SRPX: variants seen among roughly 807,000 people sequenced by gnomAD.
SRPX encodes sushi repeat containing protein X-linked, also known as sushi repeat-containing protein SRPX.
SRPX carries 24 observed loss-of-function variants against 38.1 expected under a neutral mutation model. That is an observed-to-expected ratio of 0.63 (90% CI 0.46 to 0.89). The LOEUF is 0.89. SRPX is among the 40% of genes least tolerant of loss of function. SRPX has a pLI of 0.00. For synonymous variants in SRPX, 184 were observed against 153.8 expected (o/e 1.20, Z -1.45); for missense variants, 416 against 377.8 (o/e 1.10, Z -0.84).
At chrX:38,162,140 C>T (rs1938275792) in intron 5 of SRPX, among the ~76,000 whole-genome samples, 1 of 112,176 alleles carries the variant, frequency 8.9e-6, no homozygotes, top group Non-Finnish European at 1.9e-5. Flanking sequence ...AGTGATACTT[C>T]AAATATAAGT....
At chrX:38,205,107 G>A (rs757918177) in intron 1 of SRPX, among the ~76,000 whole-genome samples, 11 of 112,330 alleles carry the variant, frequency 9.8e-5, no homozygotes, top group Admixed American at 4.7e-4. Flanking sequence ...CAATTTGCGG[G>A]TGTCTGTCAC....
At chrX:38,176,015 G>T (rs1938561885) in intron 2 of SRPX, among the ~76,000 whole-genome samples, 1 of 111,468 alleles carries the variant, frequency 9.0e-6, no homozygotes, top group Non-Finnish European at 1.9e-5. Flanking sequence ...TATACTGTTT[G>T]TTTCTTACAC....
At chrX:38,189,364 A>G (rs1938852560) in intron 1 of SRPX, among the ~76,000 whole-genome samples, 2 of 111,990 alleles carry the variant, frequency 1.8e-5, no homozygotes, top group Non-Finnish European at 3.8e-5. Flanking sequence ...ATCATTTTAA[A>G]AATCTGCCTG....
At chrX:38,177,225 G>C (rs1314020123) in intron 2 of SRPX, among the ~76,000 whole-genome samples, 1 of 111,651 alleles carries the variant, frequency 9.0e-6, no homozygotes, top group Non-Finnish European at 1.9e-5. Context: ...ACGTATTTGT[G>C]CTTTGCTTGA....
chrX:38,181,672 TCC>T (rs1938675566), intron 1 of SRPX, among the ~76,000 whole-genome samples: 1 of 112,008 alleles, frequency 8.9e-6, no homozygotes, highest in African/African-American at 3.2e-5. Flanking sequence ...CTTCCATTGC[TCC>T]AGCCCTTCCA....
chrX:38,184,158 T>C (rs1938725645), intron 1 of SRPX, among the ~76,000 whole-genome samples: 1 of 111,655 alleles, frequency 9.0e-6, no homozygotes, highest in South Asian at 3.8e-4. Context: ...CCATAAGGTT[T>C]CTCACCGTAA....
intron 1 of SRPX, among the ~76,000 whole-genome samples, chrX:38,188,390 C>A (rs1938829110): frequency 8.9e-6 from 1 of 112,267 alleles, no homozygotes; most frequent in Non-Finnish European, 1.9e-5. Flanking sequence ...CAACCATCAA[C>A]TAAGAATAGT....
At chrX:38,204,922 C>T (rs1325152393) in intron 1 of SRPX, among the ~76,000 whole-genome samples, 1 of 112,000 alleles carries the variant, frequency 8.9e-6, no homozygotes, top group Non-Finnish European at 1.9e-5. Context: ...AATGAAAGGA[C>T]ATCAGGACAC....
At position 38,149,904 on chromosome X, in the gene SRPX, A is replaced by G; in HGVS notation, c.1212-10T>C. On this transcript the variant is annotated splice_polypyrimidine_tract_variant and intron_variant, in intron 9 of 9. Transcript: ENST00000378533. ...GATTCGCAGCAACAGCCTGTGGCAGACAAAGAAAAGAGGAGACTAAGTCAA... is the reference window on the plus strand; with the variant it reads ...GATTCGCAGCAACAGCCTGTGGCAGGCAAAGAAAAGAGGAGACTAAGTCAA... The G allele has an allele frequency of 8.4e-7, 1 of 1,194,530 alleles. No homozygotes were observed.
intron 1 of SRPX, among the ~76,000 whole-genome samples, chrX:38,191,895 A>T (rs1938912970): frequency 8.9e-6 from 1 of 112,459 alleles, no homozygotes; most frequent in South Asian, 3.7e-4. Context: ...TGTACATATC[A>T]GCTAAGTCAT....
At chrX:38,152,121 C>T (rs992412470) in intron 9 of SRPX, among the ~76,000 whole-genome samples, 1 of 111,640 alleles carries the variant, frequency 9.0e-6, no homozygotes, top group Admixed American at 9.5e-5. Flanking sequence ...TCCTCTTTTG[C>T]TTCCCATTCT....
intron 4 of SRPX, among the ~76,000 whole-genome samples, chrX:38,167,624 T>G (rs775454653): frequency 8.0e-5 from 9 of 112,672 alleles, no homozygotes; most frequent in Admixed American, 1.9e-4. Context: ...TCAGTGAAAA[T>G]TCTGGCCTTT....
intron 6 of SRPX, among the ~76,000 whole-genome samples, chrX:38,160,411 G>A (rs1321794347): frequency 8.9e-6 from 1 of 111,980 alleles, no homozygotes; most frequent in Non-Finnish European, 1.9e-5. Context: ...AACTGGTTTC[G>A]CCCCTAGTGT....
At chrX:38,220,169 G>C (rs761931202) in intron 1 of SRPX, among the ~76,000 whole-genome samples, 1 of 113,456 alleles carries the variant, frequency 8.8e-6, no homozygotes, top group South Asian at 3.5e-4. Context: ...TCCCCAGCAG[G>C]GGGGGTTAAG....
At chrX:38,210,630 G>C (rs1435284351) in intron 1 of SRPX, among the ~76,000 whole-genome samples, 2 of 112,385 alleles carry the variant, frequency 1.8e-5, no homozygotes, top group Non-Finnish European at 3.8e-5. Flanking sequence ...CCTCAGATTA[G>C]GACACTGGAT....
intron 4 of SRPX, among the ~76,000 whole-genome samples, chrX:38,168,534 A>G (rs1258587312): frequency 8.9e-6 from 1 of 112,410 alleles, no homozygotes; most frequent in African/African-American, 3.2e-5. Context: ...TTTGAGCAAT[A>G]ACATAGTTGT....
chrX:38,199,457 A>G (rs1333798339), intron 1 of SRPX, among the ~76,000 whole-genome samples: 3 of 110,738 alleles, frequency 2.7e-5, no homozygotes, highest in African/African-American at 9.9e-5. Flanking sequence ...GATATTTCAG[A>G]GGTGAGACTC....
At chrX:38,220,014 C>A (rs1376559816) in intron 1 of SRPX, among the ~76,000 whole-genome samples, 1 of 113,180 alleles carries the variant, frequency 8.8e-6, no homozygotes, top group Admixed American at 9.2e-5. Context: ...ATGCCGGAGA[C>A]CACGCCCTCC....
At chrX:38,165,032 C>A (rs751134040) in intron 4 of SRPX, 137 bp from the exon 5 acceptor site, 1 of 503,693 alleles carries the variant, frequency 2.0e-6, no homozygotes, top group African/African-American at 2.4e-5. Context: ...TATATATTCC[C>A]CTTTTCTCCC....
Sources: allele counts gnomAD v4.1 joint callset (sites outside exome capture counted in the v4.1 genomes callset), GRCh38; gene constraint gnomAD v4.1.1; transcripts MANE v1.5; gene names NCBI Gene and HGNC (gene_info 2026-07-23, HGNC 2026-07-21).